The following CNTNAP2 variants were observed in gnomAD, a reference collection of about 807,000 sequenced individuals.
CNTNAP2 encodes contactin-associated protein-like 2.
In CNTNAP2, 98 loss-of-function variants were observed where a neutral mutation model predicts 155.2. That is an observed-to-expected ratio of 0.63 (90% CI 0.54 to 0.75). The LOEUF is 0.75. Ranked by LOEUF, CNTNAP2 falls within the 30% of genes least tolerant of loss-of-function variation. CNTNAP2 has a pLI of 0.00. For missense variants in CNTNAP2, 1,727 were observed against 1,688.1 expected (o/e 1.02, Z -0.40); for synonymous variants, 651 against 631.2 (o/e 1.03, Z -0.47).
At chr7:148,024,532 T>TCACA (rs1211174289) in intron 15 of CNTNAP2, among the ~76,000 whole-genome samples, 6 of 152,198 alleles carry the variant, frequency 3.9e-5, no homozygotes, top group African/African-American at 1.4e-4. Context: ...GAAACCCAGC[T>TCACA]TTGTTCCTCA....
chr7:146,219,278 A>C (rs571220824), intron 1 of CNTNAP2, among the ~76,000 whole-genome samples: 2 of 152,166 alleles, frequency 1.3e-5, no homozygotes, highest in Non-Finnish European at 2.9e-5. Context: ...TAGCCAAACC[A>C]TATCAGTAAG....
At chr7:147,149,076 T>C (rs1801773936) in intron 8 of CNTNAP2, among the ~76,000 whole-genome samples, 1 of 152,200 alleles carries the variant, frequency 6.6e-6, no homozygotes, top group Admixed American at 6.5e-5. Context: ...TGGCTAGCTC[T>C]TATTCCGTTA....
At chr7:148,338,977 A>AT (rs1453612073) in intron 21 of CNTNAP2, among the ~76,000 whole-genome samples, 1 of 152,044 alleles carries the variant, frequency 6.6e-6, no homozygotes, top group African/African-American at 2.4e-5. Context: ...AAAACATTAT[A>AT]TTTTTTCCCA....
intron 4 of CNTNAP2, among the ~76,000 whole-genome samples, chr7:147,099,649 T>C (rs1800616209): frequency 6.6e-6 from 1 of 152,182 alleles, no homozygotes; most frequent in Admixed American, 6.5e-5. Flanking sequence ...CTGACAATGA[T>C]ATTTTAAATG....
intron 21 of CNTNAP2, among the ~76,000 whole-genome samples, chr7:148,277,407 C>A (rs960565055): frequency 1.3e-5 from 2 of 152,150 alleles, no homozygotes; most frequent in African/African-American, 4.8e-5. Flanking sequence ...AGCCCTAAGT[C>A]TCTTTCGCAT....
intron 21 of CNTNAP2, among the ~76,000 whole-genome samples, chr7:148,330,769 A>G (rs1393272729): frequency 6.9e-6 from 1 of 144,866 alleles, no homozygotes; most frequent in African/African-American, 2.6e-5. Flanking sequence ...GATGGAATGG[A>G]CAGATGGAGT....
At chr7:147,150,678 A>G (rs1801807536) in intron 8 of CNTNAP2, among the ~76,000 whole-genome samples, 1 of 152,180 alleles carries the variant, frequency 6.6e-6, no homozygotes, top group South Asian at 2.1e-4. Flanking sequence ...TTATATACGT[A>G]TGAATTATGA....
At chr7:148,373,297 A>C (rs1451755583) in intron 21 of CNTNAP2, among the ~76,000 whole-genome samples, 1 of 139,592 alleles carries the variant, frequency 7.2e-6, no homozygotes, top group African/African-American at 2.9e-5. Flanking sequence ...CTCTACTAAA[A>C]ATACAAAAAT....
chr7:146,588,961 A>T (rs1037578265), intron 1 of CNTNAP2, among the ~76,000 whole-genome samples: 3 of 66,616 alleles, frequency 4.5e-5, no homozygotes, highest in African/African-American at 6.4e-5. Flanking sequence ...TTTCAGTTAT[A>T]AAAAAAAAGT....
chr7:147,983,635 C>T (rs1801570482), intron 15 of CNTNAP2, among the ~76,000 whole-genome samples: 1 of 152,090 alleles, frequency 6.6e-6, no homozygotes, highest in Non-Finnish European at 1.5e-5. Context: ...GTGAGGTATA[C>T]ATTGGTTTAG....
At chr7:148,331,339 G>C (rs1798004834) in intron 21 of CNTNAP2, among the ~76,000 whole-genome samples, 1 of 151,114 alleles carries the variant, frequency 6.6e-6, no homozygotes, top group Non-Finnish European at 1.5e-5. Context: ...GGATGGAATG[G>C]ACGGATGGAA....
chr7:148,006,227 C>T (rs183754408), intron 15 of CNTNAP2, among the ~76,000 whole-genome samples: 2 of 150,802 alleles, frequency 1.3e-5, no homozygotes, highest in East Asian at 1.9e-4. Flanking sequence ...ATTGGTGTAG[C>T]GAAATAGAGA....
chr7:148,131,058 T>C (rs1379901113), intron 16 of CNTNAP2, among the ~76,000 whole-genome samples: 3 of 151,372 alleles, frequency 2.0e-5, no homozygotes, highest in Non-Finnish European at 4.4e-5. Context: ...TCTCTTGGAT[T>C]CTAACGTTTT....
chr7:147,835,207 A>G (rs1798615347), intron 13 of CNTNAP2, among the ~76,000 whole-genome samples: 1 of 152,196 alleles, frequency 6.6e-6, no homozygotes. Flanking sequence ...CTGACTCAGA[A>G]AAGGATTAAA....
intron 1 of CNTNAP2, among the ~76,000 whole-genome samples, chr7:146,338,658 G>A (rs966979985): frequency 6.6e-6 from 1 of 151,968 alleles, no homozygotes; most frequent in African/African-American, 2.4e-5. Flanking sequence ...GTTTACCTAC[G>A]AAGCCTTCTT....
At chr7:147,602,188 A>G (rs1396535432) in intron 12 of CNTNAP2, among the ~76,000 whole-genome samples, 1 of 152,068 alleles carries the variant, frequency 6.6e-6, no homozygotes, top group Non-Finnish European at 1.5e-5. Flanking sequence ...CCCTTAAAAA[A>G]AAATGCTACC....
At chr7:146,792,421 C>T (rs192993096) in intron 2 of CNTNAP2, among the ~76,000 whole-genome samples, 282 of 152,246 alleles carry the variant, frequency 1.9e-3, no homozygotes, top group Middle Eastern at 0.014. Context: ...AGGTGAAATA[C>T]GGACCAAGAT....
chr7:148,094,796 G>T (rs80346855), intron 15 of CNTNAP2, among the ~76,000 whole-genome samples: 4,685 of 152,288 alleles, frequency 0.031, 98 homozygotes, highest in Non-Finnish European at 0.039. Flanking sequence ...CTTCTGGTAG[G>T]AAATCTTAAT....
At chr7:148,295,261 A>C (rs1797259585) in intron 21 of CNTNAP2, among the ~76,000 whole-genome samples, 1 of 152,194 alleles carries the variant, frequency 6.6e-6, no homozygotes, top group Non-Finnish European at 1.5e-5. Context: ...TACAAACCAA[A>C]GTATTATTCT....
Sources: gnomAD v4.1 joint callset for allele counts (sites outside exome capture counted in the v4.1 genomes callset) on GRCh38, gnomAD v4.1.1 for gene constraint, MANE v1.5 for transcripts, NCBI Gene and HGNC (gene_info 2026-07-23, HGNC 2026-07-21) for gene names.